ARHGEF10: variants seen among roughly 807,000 people sequenced by gnomAD.
ARHGEF10 encodes Rho guanine nucleotide exchange factor 10.
Under a neutral mutation model 147.4 loss-of-function variants are expected in ARHGEF10, and 140 were observed. The ratio of observed to expected loss-of-function variants is 0.95; its 90% CI spans 0.83 to 1.09. ARHGEF10 has a LOEUF of 1.09. Ranked by LOEUF, ARHGEF10 falls within the 50% of genes least tolerant of loss-of-function variation. ARHGEF10 has a pLI of 0.00. For missense variants in ARHGEF10, 2,222 were observed against 1,752.7 expected (o/e 1.27, Z -4.78); for synonymous variants, 902 against 695.8 (o/e 1.30, Z -4.67).
intron 2 of ARHGEF10, among the ~76,000 whole-genome samples, chr8:1,849,599 A>T (rs1804855254): frequency 7.3e-6 from 1 of 136,354 alleles, no homozygotes; most frequent in African/African-American, 2.9e-5. Flanking sequence ...GTGGACACAG[A>T]CGGCAAATGC....
chr8:1,830,457 T>G (rs1803027014), intron 1 of ARHGEF10, among the ~76,000 whole-genome samples: 1 of 152,236 alleles, frequency 6.6e-6, no homozygotes, highest in African/African-American at 2.4e-5. Context: ...TATGTGTTTT[T>G]TGAATCAAGT....
At chr8:1,869,471 T>C in intron 7 of ARHGEF10, 1 of 669,350 alleles carries the variant, frequency 1.5e-6, no homozygotes, top group Non-Finnish European at 2.7e-6. Context: ...ATCTTACTTA[T>C]CCCAAGCAAA....
At chr8:1,860,919 C>T (rs1418676942) in intron 4 of ARHGEF10, among the ~76,000 whole-genome samples, 1 of 152,180 alleles carries the variant, frequency 6.6e-6, no homozygotes, top group African/African-American at 2.4e-5. Context: ...CAGGGGCTCC[C>T]TGTTTCCCAC....
intron 11 of ARHGEF10, among the ~76,000 whole-genome samples, chr8:1,887,446 A>ACCC (rs2129136421): frequency 6.8e-6 from 1 of 146,540 alleles, no homozygotes; most frequent in Admixed American, 6.7e-5. Flanking sequence ...CTGTGAGGAG[A>ACCC]TACTGAGTGG....
intron 3 of ARHGEF10, among the ~76,000 whole-genome samples, chr8:1,859,667 C>G (rs940803366): frequency 6.6e-6 from 1 of 152,210 alleles, no homozygotes; most frequent in Non-Finnish European, 1.5e-5. Context: ...ATGGGATGAG[C>G]CTCCTGTAGT....
chr8:1,906,542 T>A (rs888000742), intron 17 of ARHGEF10, among the ~76,000 whole-genome samples: 1 of 152,158 alleles, frequency 6.6e-6, no homozygotes, highest in African/African-American at 2.4e-5. Flanking sequence ...CGCCCCCATT[T>A]TCCAGCGGCC....
chr8:1,845,938 C>T (rs1804527031), intron 2 of ARHGEF10, among the ~76,000 whole-genome samples: 1 of 152,248 alleles, frequency 6.6e-6, no homozygotes, highest in Non-Finnish European at 1.5e-5. Flanking sequence ...CATAGCCCCT[C>T]CCTCTGCCCA....
In ARHGEF10 at chr8:1,889,454, G is replaced by T. The variant is rs1233284280; in HGVS notation, c.1182+3747G>T. Among the ~76,000 whole-genome samples the T allele has an allele frequency of 5.6e-4, 40 of 71,244 alleles. 2 individuals carry two copies. Among genetic ancestry groups the T allele is most frequent in the African/African-American group, 3.2e-3 (39 of 12,032 alleles). The allele number at this position is 71,244 out of a possible 152,430, so 46.7% of individuals were successfully genotyped here. On this transcript the variant is annotated intron_variant, in intron 11 of 28. Transcript: ENST00000349830. ...GGGTCTGTGAGGAGACACTGAGTGGGGTGAGGGGTCTGTGAGGAGACACTG... is the reference window on the plus strand; with the variant it reads ...GGGTCTGTGAGGAGACACTGAGTGGTGTGAGGGGTCTGTGAGGAGACACTG...
intron 18 of ARHGEF10, among the ~76,000 whole-genome samples, chr8:1,912,518 A>G (rs58006816): frequency 1.9e-5 from 2 of 107,350 alleles, no homozygotes; most frequent in African/African-American, 3.7e-5. Context: ...CTGCAAAAGC[A>G]CCGTGTGGAT....
chr8:1,881,108 C>T (rs550270920), intron 9 of ARHGEF10, among the ~76,000 whole-genome samples: 2 of 152,088 alleles, frequency 1.3e-5, no homozygotes, highest in African/African-American at 2.4e-5. Flanking sequence ...ACGGGGAGTG[C>T]CCTGGCTGAA....
intron 25 of ARHGEF10, 134 bp from the exon 26 acceptor site, chr8:1,933,666 C>G (rs552524551): frequency 8.4e-7 from 1 of 1,188,688 alleles, no homozygotes; most frequent in South Asian, 1.3e-5. Flanking sequence ...CAGACACAGC[C>G]AGGATCAGGC....
rs138680466 is a variant in ARHGEF10, at chr8:1,894,509, G to A, written c.1377G>A (p.Ala459=). ...ILQCHSLFQI[A]LASRVSEWDS... is the part of the protein sequence containing the mutation. ...AGTGCCACTCGCTATTTCAGATCGC[G>A]CTGGCCAGCCGCGTTTCCGAGTGGG... is the stretch of plus-strand genomic sequence containing the variant. Residue 459 remains alanine (A), a synonymous_variant, in exon 13 of 29, where the codon GCG becomes GCA. Coordinates refer to ENST00000349830, the MANE Select transcript of ARHGEF10 (RefSeq NM_014629.4). The A allele has an allele frequency of 6.1e-5, 99 of 1,614,088 alleles. No individual in the cohort carries two copies. The highest frequency in any genetic ancestry group is 8.0e-5 in the Non-Finnish European group (94 of 1,180,038).
upstream of ARHGEF10, chr8:1,823,842 G>T (rs1042950917): frequency 6.6e-6 from 1 of 151,906 alleles, no homozygotes; most frequent in Non-Finnish European, 1.5e-5. Flanking sequence ...CGAGAAACCG[G>T]CAGGCTCTGC....
chr8:1,844,571 G>A (rs899676013), intron 2 of ARHGEF10, among the ~76,000 whole-genome samples: 5 of 149,540 alleles, frequency 3.3e-5, no homozygotes, highest in African/African-American at 9.9e-5. Flanking sequence ...TGGAAGTCCA[G>A]CTCCTGGAGT....
chr8:1,903,134 C>T, intron 15 of ARHGEF10, 147 bp from the exon 16 acceptor site: 2 of 1,046,016 alleles, frequency 1.9e-6, no homozygotes, highest in Non-Finnish European at 1.5e-6. Context: ...CTCAGCTCAT[C>T]ATCCCTTCCC....
intron 13 of ARHGEF10, among the ~76,000 whole-genome samples, 160 bp from the exon 14 acceptor site, chr8:1,896,173 A>G (rs1809954998): frequency 6.6e-6 from 1 of 152,262 alleles, no homozygotes. Flanking sequence ...ACGCTTGCTT[A>G]AAGAAAAAAA....
At chr8:1,843,714 T>G (rs989863125) in intron 2 of ARHGEF10, among the ~76,000 whole-genome samples, 1 of 152,224 alleles carries the variant, frequency 6.6e-6, no homozygotes, top group Non-Finnish European at 1.5e-5. Flanking sequence ...AAGATTCCCC[T>G]TAGCCTGATG....
At chr8:1,858,303 C>T (rs1805775664) in intron 3 of ARHGEF10, among the ~76,000 whole-genome samples, 188 bp downstream of exon 3, 1 of 152,178 alleles carries the variant, frequency 6.6e-6, no homozygotes, top group South Asian at 2.1e-4. Flanking sequence ...ATCAGGGTCA[C>T]CTGTGCTCAG....
intron 26 of ARHGEF10, among the ~76,000 whole-genome samples, chr8:1,938,120 C>CCAGTCA (rs1372809475): frequency 6.6e-6 from 1 of 152,200 alleles, no homozygotes; most frequent in Non-Finnish European, 1.5e-5. Flanking sequence ...CCGCACGGTG[C>CCAGTCA]CAGTCACAGT....
Sources: gnomAD v4.1 joint callset for allele counts (sites outside exome capture counted in the v4.1 genomes callset) on GRCh38, gnomAD v4.1.1 for gene constraint, MANE v1.5 for transcripts, NCBI Gene and HGNC (gene_info 2026-07-23, HGNC 2026-07-21) for gene names.